SYNE2: variants seen among roughly 807,000 people sequenced by gnomAD.
SYNE2 encodes nesprin-2.
In SYNE2, 431 loss-of-function variants were observed where a neutral mutation model predicts 856.3. That is an observed-to-expected ratio of 0.50 (90% CI 0.47 to 0.55). SYNE2 has a LOEUF of 0.55. Ranked by LOEUF, SYNE2 falls within the 20% of genes least tolerant of loss-of-function variation. The pLI, the probability that SYNE2 is intolerant of heterozygous loss-of-function variation, is 0.00. For synonymous variants in SYNE2, 2,923 were observed against 2,872.3 expected, an observed-to-expected ratio of 1.02 and a Z score of -0.56; for missense variants, 8,129 against 8,023.2, an observed-to-expected ratio of 1.01 and a Z score of -0.50.
At chr14:63,830,862 TG>T (rs1889641790) in intron 1 of SYNE2, among the ~76,000 whole-genome samples, 1 of 126,870 alleles carries the variant, frequency 7.9e-6, no homozygotes, top group East Asian at 2.3e-4. Flanking sequence ...TTTTTTTTTG[TG>T]AGAGTCTCAT....
chr14:64,197,750 C>T (rs964623273), intron 99 of SYNE2, among the ~76,000 whole-genome samples: 2 of 152,200 alleles, frequency 1.3e-5, no homozygotes, highest in Non-Finnish European at 2.9e-5. Context: ...AAGCCTTCAT[C>T]ATACATTGTT....
intron 1 of SYNE2, among the ~76,000 whole-genome samples, chr14:63,857,832 TTCTTTGTGTA>T (rs1181221847): frequency 1.3e-5 from 2 of 152,222 alleles, no homozygotes; most frequent in Non-Finnish European, 2.9e-5. Flanking sequence ...GTTTTGAGAG[TTCTTTGTGTA>T]TTCTGGATGC....
At chr14:64,033,826 G>A (rs1385680254) in intron 45 of SYNE2, among the ~76,000 whole-genome samples, 3 of 152,014 alleles carry the variant, frequency 2.0e-5, no homozygotes, top group African/African-American at 7.3e-5. Context: ...TTTTTTCAGG[G>A]CAAATGGAGG....
In SYNE2 at chr14:64,216,342, T is replaced by C. The variant is rs1176808345; in HGVS notation, c.19497T>C (p.Val6499=). ...AGCAAATGGAAGGTGACAGGAATGT[T>C]CCACCTGTTCCCCCTGCGTCCAGCA... is the stretch of plus-strand genomic sequence containing the variant. The part of the protein sequence containing the change: ...HYKQMEGDRN[V]PPVPPASSTP... Residue 6499 remains valine, a synonymous_variant, in exon 108 of 116, where the codon GTT becomes GTC. Transcript: ENST00000555002. The C allele has an allele frequency of 1.2e-6, 2 of 1,614,126 alleles. No individual in the cohort carries two copies. The highest frequency in any genetic ancestry group is 8.5e-7 in the Non-Finnish European group (1 of 1,180,046).
intron 1 of SYNE2, among the ~76,000 whole-genome samples, chr14:63,839,193 C>A (rs2139921514): frequency 6.6e-6 from 1 of 152,198 alleles, no homozygotes; most frequent in East Asian, 1.9e-4. Flanking sequence ...CCATGCCCGG[C>A]TAATTTTTTG....
At chr14:63,813,334 GA>G (rs1888692770) in intron 1 of SYNE2, among the ~76,000 whole-genome samples, 2 of 152,336 alleles carry the variant, frequency 1.3e-5, no homozygotes, top group Non-Finnish European at 2.9e-5. Context: ...AGCACGTGTG[GA>G]TATCAAATAC....
At chr14:64,087,889 A>G (rs1169383330) in intron 58 of SYNE2, 33 bp downstream of exon 58, 3 of 1,609,478 alleles carry the variant, frequency 1.9e-6, no homozygotes, top group Non-Finnish European at 2.5e-6. Flanking sequence ...ATCATTCAGG[A>G]TTAAATTAGA....
intron 2 of SYNE2, among the ~76,000 whole-genome samples, chr14:63,930,750 G>A (rs549508525): frequency 1.1e-4 from 17 of 152,186 alleles, no homozygotes; most frequent in African/African-American, 3.9e-4. Context: ...TGACCAGGCT[G>A]GTCTCAAACT....
intron 1 of SYNE2, among the ~76,000 whole-genome samples, chr14:63,880,344 G>A (rs976735427): frequency 6.6e-6 from 1 of 152,066 alleles, no homozygotes; most frequent in Non-Finnish European, 1.5e-5. Flanking sequence ...CACTCACCTC[G>A]GCCTCCCAAA....
At chr14:63,957,600 G>T (rs1457261992) in intron 8 of SYNE2, among the ~76,000 whole-genome samples, 1 of 151,900 alleles carries the variant, frequency 6.6e-6, no homozygotes, top group Non-Finnish European at 1.5e-5. Context: ...CTTCAGCGGG[G>T]CACTGTAGCT....
chr14:63,863,641 G>A (rs538303846), intron 1 of SYNE2, among the ~76,000 whole-genome samples: 1 of 151,988 alleles, frequency 6.6e-6, no homozygotes, highest in African/African-American at 2.4e-5. Context: ...TGTTACTATA[G>A]TATAATGGTG....
intron 77 of SYNE2, 70 bp from the exon 78 acceptor site, chr14:64,133,999 T>A (rs1488169549): frequency 1.3e-6 from 2 of 1,572,660 alleles, no homozygotes; most frequent in African/African-American, 2.7e-5. Context: ...TGTTTTGTGA[T>A]TAATTATGTT....
chr14:64,212,104 G>C lies in SYNE2; in HGVS notation c.18861+6G>C, dbSNP rs1302173482. ...ACAAGATGCGCCAACTGAATGTGAG[G>C]GCTGCTGCTTCCCTAGCTCTTCTCA... is the stretch of plus-strand genomic sequence containing the variant. On this transcript the variant is annotated splice_donor_region_variant and intron_variant, in intron 104 of 115. Coordinates refer to ENST00000555002, the MANE Select transcript of SYNE2 (RefSeq NM_182914.3). 3.1e-6 allele frequency: 5 copies of C among 1,613,798 alleles called. No homozygotes were observed. Among genetic ancestry groups the C allele is most frequent in the Non-Finnish European group, 4.2e-6 (5 of 1,180,026 alleles).
chr14:64,028,187 G>A (rs2096997207), intron 43 of SYNE2, among the ~76,000 whole-genome samples: 1 of 152,084 alleles, frequency 6.6e-6, no homozygotes, highest in African/African-American at 2.4e-5. Context: ...CTACAGACGT[G>A]AGCCACACCT....
chr14:64,141,898 T>C, intron 81 of SYNE2, 44 bp from the exon 82 acceptor site: 1 of 1,609,028 alleles, frequency 6.2e-7, no homozygotes, highest in Non-Finnish European at 8.5e-7. Context: ...TGATTCATTT[T>C]GTTAACTGCA....
chr14:63,981,459 G>T (rs1215145380), intron 16 of SYNE2, among the ~76,000 whole-genome samples: 2 of 152,080 alleles, frequency 1.3e-5, no homozygotes, highest in African/African-American at 4.8e-5. Flanking sequence ...ATAGCTTTTG[G>T]GAGATGTTTT....
chr14:63,821,460 T>C (rs1292586198), intron 1 of SYNE2, among the ~76,000 whole-genome samples: 1 of 151,914 alleles, frequency 6.6e-6, no homozygotes, highest in Admixed American at 6.6e-5. Context: ...TCTAGAATAA[T>C]GGAGTAATTG....
chr14:64,205,786 T>A (rs1032357687), intron 100 of SYNE2, among the ~76,000 whole-genome samples: 1 of 152,222 alleles, frequency 6.6e-6, no homozygotes, highest in Non-Finnish European at 1.5e-5. Context: ...TTTCATTGAA[T>A]CTTTAAGATC....
At position 64,212,803 on chromosome 14, in the gene SYNE2, C is replaced by T. The variant is rs2098648179; in HGVS notation, c.18862-8C>T. 6.2e-7 allele frequency: 1 copy of T among 1,614,070 alleles called. No homozygotes were observed. The highest frequency in any genetic ancestry group is 8.5e-7 in the Non-Finnish European group (1 of 1,179,870). On this transcript the variant is annotated splice_polypyrimidine_tract_variant and splice_region_variant and intron_variant, in intron 104 of 115. Transcript: ENST00000555002. ...CTTTGAAATCCTTTCTTTCTCCTCT[C>T]TCAACAGGGCTTCCAACAGGAAATT...
Sources: allele counts gnomAD v4.1 joint callset (sites outside exome capture counted in the v4.1 genomes callset), GRCh38; gene constraint gnomAD v4.1.1; transcripts MANE v1.5; gene names NCBI Gene and HGNC (gene_info 2026-07-23, HGNC 2026-07-21).